The following GGNBP2 variants were observed in gnomAD, a reference collection of about 807,000 sequenced individuals.
GGNBP2 encodes the protein gametogenetin-binding protein 2.
Under a neutral mutation model 85.9 loss-of-function variants are expected in GGNBP2, and 10 were observed. The ratio of observed to expected loss-of-function variants is 0.12; its 90% CI spans 0.07 to 0.20. GGNBP2 has a LOEUF of 0.20. Ranked by LOEUF, GGNBP2 falls within the 10% of genes least tolerant of loss-of-function variation. The pLI is 1.00. For missense variants in GGNBP2, 595 were observed against 857.8 expected, an observed-to-expected ratio of 0.69 and a Z score of 3.83; for synonymous variants, 287 against 285.7, an observed-to-expected ratio of 1.00 and a Z score of -0.05.
chr17:36,569,454 T>TG lies in GGNBP2; in HGVS notation c.641+1682dup, dbSNP rs560329263. Reference sequence around the variant, plus strand: ...TAACAGCATCTAGAGATGGTGTTCTTGGGGCAGTTCTACTGTTTAAATTTG... The same window carrying TG: ...TAACAGCATCTAGAGATGGTGTTCTTGGGGGCAGTTCTACTGTTTAAATTTG... On this transcript the variant is annotated intron_variant, in intron 6 of 13. Coordinates refer to ENST00000613102, the MANE Select transcript of GGNBP2 (RefSeq NM_024835.5). Among the ~76,000 whole-genome samples, 186 of 152,286 alleles carry TG rather than the reference T, an allele frequency of 1.2e-3. 1 individual carries two copies. Among genetic ancestry groups the TG allele is most frequent in the African/African-American group, 4.3e-3 (180 of 41,568 alleles).
rs75962782 is a variant in GGNBP2 at position 36,569,834 on chromosome 17, A to G, written c.641+2058A>G. ...CAGGTGATAAATGACAAGTTATTAG[A>G]GCACATGTTTTGGAGTTTCTTATAA... On this transcript the variant is annotated intron_variant, in intron 6 of 13. Transcript: ENST00000613102. 2.7e-3 allele frequency among the ~76,000 whole-genome samples: 404 copies of G among 152,320 alleles called. 4 individuals carry two copies. Among genetic ancestry groups the G allele is most frequent in the African/African-American group, 9.2e-3 (384 of 41,564 alleles).
At chr17:36,587,829 G>A (rs548239668) in intron 13 of GGNBP2, among the ~76,000 whole-genome samples, 7 of 152,344 alleles carry the variant, frequency 4.6e-5, no homozygotes, top group Admixed American at 1.3e-4. Flanking sequence ...GGAGGTTTCA[G>A]TGAGCTGAGA....
At chr17:36,567,140 T>C (rs1481879016) in intron 5 of GGNBP2, among the ~76,000 whole-genome samples, 1 of 152,194 alleles carries the variant, frequency 6.6e-6, no homozygotes, top group Non-Finnish European at 1.5e-5. Context: ...TCATTTTGAC[T>C]TTAGAACATT....
At chr17:36,578,409 G>T in intron 7 of GGNBP2, 1 of 443,116 alleles carries the variant, frequency 2.3e-6, no homozygotes, top group Non-Finnish European at 4.0e-6. Flanking sequence ...GCTAGTTCTT[G>T]CTTGAAGGGA....
At chr17:36,583,123 G>A (rs2074667505) in intron 9 of GGNBP2, among the ~76,000 whole-genome samples, 1 of 151,758 alleles carries the variant, frequency 6.6e-6, no homozygotes, top group Admixed American at 6.6e-5. Context: ...GCATGATCTC[G>A]GCTCACTGCA....
At chr17:36,570,435 C>T (rs967148145) in intron 6 of GGNBP2, among the ~76,000 whole-genome samples, 13 of 152,218 alleles carry the variant, frequency 8.5e-5, no homozygotes, top group Admixed American at 3.9e-4. Flanking sequence ...TGCAGTGGCT[C>T]ATGCCTGTAA....
At chr17:36,574,807 G>A (rs2074560332) in intron 6 of GGNBP2, 13 of 668,720 alleles carry the variant, frequency 1.9e-5, no homozygotes, top group Non-Finnish European at 3.5e-5. Flanking sequence ...AAGGGATGGT[G>A]TGGGGCTTGC....
At chr17:36,545,925 C>G (rs1411905471) in intron 2 of GGNBP2, 108 bp downstream of exon 2, 1 of 766,128 alleles carries the variant, frequency 1.3e-6, no homozygotes, top group Non-Finnish European at 2.1e-6. Flanking sequence ...TGTGTTGCAA[C>G]TCCTAGGCGA....
chr17:36,566,362 T>C (rs773738944), intron 5 of GGNBP2, among the ~76,000 whole-genome samples: 4 of 152,074 alleles, frequency 2.6e-5, no homozygotes, highest in Non-Finnish European at 5.9e-5. Flanking sequence ...AGTAAGTTTG[T>C]TAAAAAATTG....
chr17:36,547,654 T>A (rs1026362228), intron 2 of GGNBP2: 2 of 152,260 alleles, frequency 1.3e-5, no homozygotes, highest in African/African-American at 4.8e-5. Context: ...TGGTTTAGTA[T>A]GGAACTTACT....
intron 5 of GGNBP2, among the ~76,000 whole-genome samples, chr17:36,561,886 G>A (rs1319861908): frequency 6.6e-6 from 1 of 152,174 alleles, no homozygotes; most frequent in African/African-American, 2.4e-5. Context: ...GCCTCCCAAA[G>A]TGCTGAGATT....
rs570344601 is a variant in GGNBP2 at position 36,588,267 on chromosome 17, C to CT, written c.1891-933dup. Among the ~76,000 whole-genome samples, 123 of 151,788 alleles carry CT rather than the reference C, an allele frequency of 8.1e-4. 2 individuals are homozygous for CT. The South Asian group carries it at 0.021, about 26-fold the overall frequency. ...TCGGAATACTAGCTTTTTTCTTTTT[C>CT]TTTTTTTTGAGGTGGAGTTTTGCTC... is the stretch of plus-strand genomic sequence containing the variant. On this transcript the variant is annotated intron_variant, in intron 13 of 13. Transcript: ENST00000613102.
chr17:36,571,821 C>T (rs530390526), intron 6 of GGNBP2, among the ~76,000 whole-genome samples: 4 of 151,146 alleles, frequency 2.6e-5, no homozygotes, highest in African/African-American at 7.3e-5. Context: ...GCAGCCTGGG[C>T]GACAGAGCGA....
At chr17:36,568,883 G>GT (rs1412875498) in intron 6 of GGNBP2, among the ~76,000 whole-genome samples, 1 of 151,832 alleles carries the variant, frequency 6.6e-6, no homozygotes, top group African/African-American at 2.4e-5. Context: ...ACCCTCCCAA[G>GT]TAGCTGGGAT....
chr17:36,576,198 G>C (rs1567829942), intron 6 of GGNBP2, among the ~76,000 whole-genome samples: 1 of 121,722 alleles, frequency 8.2e-6, no homozygotes, highest in Admixed American at 8.8e-5. Context: ...AATCAGCCCA[G>C]TGTGGTGGTG....
intron 3 of GGNBP2, among the ~76,000 whole-genome samples, chr17:36,555,650 C>T (rs535542381): frequency 3.2e-4 from 49 of 152,178 alleles, no homozygotes; most frequent in African/African-American, 1.1e-3. Context: ...CAGCTGAGAT[C>T]GCATCACTGC....
At chr17:36,567,539 C>G in intron 5 of GGNBP2, 124 bp from the exon 6 acceptor site, 1 of 607,402 alleles carries the variant, frequency 1.6e-6, no homozygotes, top group South Asian at 2.1e-5. Context: ...GGATCATTTT[C>G]CATTATGGAC....
Position 36,589,566 on chromosome 17 carries a change from T to A in GGNBP2, c.*155T>A. On this transcript the variant is annotated 3_prime_UTR_variant, in exon 14 of 14. Coordinates refer to ENST00000613102, the MANE Select transcript of GGNBP2 (RefSeq NM_024835.5). ...TGGGAGACGGTGGAGGTATCCTCAT[T>A]AGTTCTTTCTTCAGGCTTGTGTCTT... 1 of 620,700 alleles carries A rather than the reference T, an allele frequency of 1.6e-6. No individual in the cohort carries two copies. The allele number at this position is 620,700 out of a possible 1,614,324, so 38.4% of individuals were successfully genotyped here. A position where few individuals can be genotyped will look rare whatever the true frequency, so the allele number is the denominator to read the frequency against.
intron 2 of GGNBP2, among the ~76,000 whole-genome samples, chr17:36,551,007 C>T (rs1049888514): frequency 6.6e-6 from 1 of 152,016 alleles, no homozygotes; most frequent in East Asian, 1.9e-4. Context: ...GTTTGAAAGG[C>T]GAGGACAGAG....
Sources: gnomAD v4.1 joint callset for allele counts (sites outside exome capture counted in the v4.1 genomes callset) on GRCh38, gnomAD v4.1.1 for gene constraint, MANE v1.5 for transcripts, NCBI Gene and HGNC (gene_info 2026-07-23, HGNC 2026-07-21) for gene names.